Variants in STK3 observed in about 807,000 individuals in gnomAD.
STK3 encodes the protein serine/threonine kinase 3, also known as serine/threonine-protein kinase 3.
In STK3, 41 loss-of-function variants were observed where a neutral mutation model predicts 58.0. The ratio of observed to expected loss-of-function variants is 0.71; its 90% confidence interval spans 0.55 to 0.92. STK3 has a LOEUF of 0.92. STK3 is among the 40% of genes least tolerant of loss of function. The pLI is 0.00. For synonymous variants in STK3, 170 were observed against 191.0 expected (o/e 0.89, Z 0.91); for missense variants, 479 against 602.7 (o/e 0.79, Z 2.15).
chr8:98,763,818 A>T (rs1321873078), intron 3 of STK3, among the ~76,000 whole-genome samples: 1 of 151,968 alleles, frequency 6.6e-6, no homozygotes, highest in African/African-American at 2.4e-5. Flanking sequence ...AATTACAGTC[A>T]CCTGCCACCA....
chr8:98,597,136 G>T, intron 6 of STK3: 1 of 322,750 alleles, frequency 3.1e-6, no homozygotes, highest in Non-Finnish European at 4.5e-6. Context: ...ATAAGAAATA[G>T]GTACCTTAAA....
At chr8:98,678,257 T>C (rs988686710) in intron 6 of STK3, among the ~76,000 whole-genome samples, 1 of 152,080 alleles carries the variant, frequency 6.6e-6, no homozygotes, top group Non-Finnish European at 1.5e-5. Flanking sequence ...TTTCCTCCAA[T>C]AGAGAGTTCT....
intron 3 of STK3, among the ~76,000 whole-genome samples, chr8:98,837,453 G>A (rs746946820): frequency 1.3e-5 from 2 of 151,340 alleles, no homozygotes; most frequent in Non-Finnish European, 1.5e-5. Flanking sequence ...GAGAAAAAAC[G>A]TTTCCTTTAT....
In STK3 at chr8:98,632,321, A is replaced by G. The variant is rs541600990; in HGVS notation, c.685-36152T>C. ...CCATGTGAACTCACCTCAAGAGAATAATAGATACCTACAAATGAACATGTG... is the reference window on the plus strand; with the variant it reads ...CCATGTGAACTCACCTCAAGAGAATGATAGATACCTACAAATGAACATGTG... On this transcript the variant is annotated intron_variant, in intron 6 of 10. Coordinates refer to ENST00000419617, the MANE Select transcript of STK3 (RefSeq NM_006281.4). 2.6e-5 allele frequency among the ~76,000 whole-genome samples: 4 copies of G among 152,372 alleles called. No individual in the cohort carries two copies. The East Asian group carries it at 7.7e-4, about 29-fold the overall frequency.
intron 6 of STK3, among the ~76,000 whole-genome samples, chr8:98,649,394 T>C (rs144526565): frequency 6.6e-6 from 1 of 152,298 alleles, no homozygotes; most frequent in Non-Finnish European, 1.5e-5. Context: ...GCATTTCCTA[T>C]GTTGGTTAGA....
At chr8:98,383,636 G>A (rs1817761198) in intron 1 of STK3, among the ~76,000 whole-genome samples, 2 of 152,196 alleles carry the variant, frequency 1.3e-5, no homozygotes, top group South Asian at 4.1e-4. Context: ...CAAACACTAT[G>A]TGGGCTAAAC....
At chr8:98,860,644 T>C (rs1195974131) in intron 3 of STK3, among the ~76,000 whole-genome samples, 1 of 152,070 alleles carries the variant, frequency 6.6e-6, no homozygotes, top group Non-Finnish European at 1.5e-5. Flanking sequence ...TTTTTAAATG[T>C]GAAACAGGAG....
chr8:98,716,253 G>A lies in STK3; in HGVS notation c.352-8942C>T, dbSNP rs925313044. ...TACATATGTAACTAACCTGCATGTT[G>A]TGCACATGTACCCTAAAACTTAAAG... On this transcript the variant is annotated intron_variant, in intron 4 of 10. Transcript: ENST00000419617. Among the ~76,000 whole-genome samples the A allele has an allele frequency of 3.3e-5, 5 of 152,042 alleles. No homozygotes were observed. The East Asian group carries it at 9.6e-4, about 29-fold the overall frequency.
chr8:98,533,989 G>T (rs1046970338), intron 9 of STK3, among the ~76,000 whole-genome samples: 3 of 152,166 alleles, frequency 2.0e-5, no homozygotes, highest in African/African-American at 7.2e-5. Context: ...TGAATTAGTA[G>T]ATGCTATATG....
chr8:98,373,599 T>C (rs970676132), intron 2 of STK3, among the ~76,000 whole-genome samples: 1 of 152,352 alleles, frequency 6.6e-6, no homozygotes, highest in East Asian at 1.9e-4. Context: ...CAAGTCACAC[T>C]GTAATGGACC....
chr8:98,417,920 T>G (rs1264022904), intron 3 of STK3, among the ~76,000 whole-genome samples: 1 of 152,080 alleles, frequency 6.6e-6, no homozygotes, highest in Admixed American at 6.6e-5. Flanking sequence ...AATTAATTAA[T>G]TTTTTTAGAG....
chr8:98,618,202 A>G (rs1258709510), intron 6 of STK3, among the ~76,000 whole-genome samples: 2 of 151,930 alleles, frequency 1.3e-5, no homozygotes, highest in East Asian at 3.9e-4. Flanking sequence ...AACAGAGCCA[A>G]AGACAAAAAC....
intron 1 of STK3, among the ~76,000 whole-genome samples, chr8:98,923,950 T>C (rs1198212833): frequency 6.6e-6 from 1 of 152,222 alleles, no homozygotes; most frequent in Non-Finnish European, 1.5e-5. Flanking sequence ...TTTTTATTTT[T>C]TTCCCCCTGT....
intron 1 of STK3, among the ~76,000 whole-genome samples, chr8:98,442,482 T>G (rs1357945848): frequency 2.6e-5 from 4 of 152,234 alleles, no homozygotes; most frequent in Admixed American, 2.6e-4. Flanking sequence ...CCAAGGTGCG[T>G]TATTTCAGGC....
chr8:98,478,634 T>C (rs1821578267), intron 10 of STK3, among the ~76,000 whole-genome samples: 1 of 152,202 alleles, frequency 6.6e-6, no homozygotes, highest in Admixed American at 6.5e-5. Context: ...TTTATAAAGT[T>C]TTTTAACTTG....
At chr8:98,451,209 G>A (rs965873243), downstream of STK3, among the ~76,000 whole-genome samples, 1 of 152,066 alleles carries the variant, frequency 6.6e-6, no homozygotes, top group South Asian at 2.1e-4. Context: ...TTGAGCTCAT[G>A]GCGTTCAATG....
intron 3 of STK3, chr8:98,431,535 C>T (rs1040658469): frequency 1.8e-5 from 3 of 167,090 alleles, no homozygotes; most frequent in Non-Finnish European, 4.4e-5. Context: ...GTGGTACAGA[C>T]TTATGAGGAC....
chr8:98,621,464 T>C (rs1027528664), intron 6 of STK3, among the ~76,000 whole-genome samples: 1 of 152,142 alleles, frequency 6.6e-6, no homozygotes. Flanking sequence ...AGAGTGAACA[T>C]CGTTCCTGTT....
chr8:98,562,553 G>T (rs754963917), intron 8 of STK3, among the ~76,000 whole-genome samples: 2 of 151,382 alleles, frequency 1.3e-5, no homozygotes, highest in Admixed American at 6.6e-5. Context: ...TTTTTTAAGG[G>T]TGATGAAACT....
Sources: gnomAD v4.1 joint callset for allele counts (sites outside exome capture counted in the v4.1 genomes callset) on GRCh38, gnomAD v4.1.1 for gene constraint, MANE v1.5 for transcripts, NCBI Gene and HGNC (gene_info 2026-07-23, HGNC 2026-07-21) for gene names.